The following ADK variants were observed in gnomAD, a reference collection of about 807,000 sequenced individuals.
ADK encodes N6,N6-dimethyladenosine kinase.
In ADK, 24 loss-of-function variants were observed where a neutral mutation model predicts 44.7. The observed-to-expected ratio is 0.54, with a 90% CI of 0.39 to 0.76. ADK has a LOEUF of 0.76. Among genes scored for constraint, ADK ranks in the 30% least tolerant of loss-of-function variants. The probability of loss-of-function intolerance (pLI) is 0.00; values close to 1 mark genes in which losing one functional copy is unlikely to be tolerated. For missense variants in ADK, 321 were observed against 425.1 expected (o/e 0.76, Z 2.15); for synonymous variants, 128 against 142.6 (o/e 0.90, Z 0.73).
chr10:74,573,806 G>A (rs533396558), intron 7 of ADK, among the ~76,000 whole-genome samples: 18 of 152,328 alleles, frequency 1.2e-4, no homozygotes, highest in Non-Finnish European at 1.5e-4. Flanking sequence ...AGGACCCTCC[G>A]AGCCAGGTGC....
At chr10:74,581,409 G>A (rs906222496) in intron 7 of ADK, among the ~76,000 whole-genome samples, 2 of 152,044 alleles carry the variant, frequency 1.3e-5, no homozygotes, top group African/African-American at 4.8e-5. Flanking sequence ...AAAAAAGACT[G>A]GAAAAACAAG....
At chr10:74,558,469 T>G (rs1251764982) in intron 7 of ADK, among the ~76,000 whole-genome samples, 1 of 152,124 alleles carries the variant, frequency 6.6e-6, no homozygotes, top group East Asian at 1.9e-4. Flanking sequence ...ATGACAGGAG[T>G]AAATTCTCTC....
intron 10 of ADK, among the ~76,000 whole-genome samples, chr10:74,707,832 T>C (rs1169227345): frequency 6.6e-6 from 1 of 151,266 alleles, no homozygotes; most frequent in Admixed American, 6.6e-5. Flanking sequence ...CTTGAGCTCT[T>C]TAGAATAAAT....
intron 6 of ADK, among the ~76,000 whole-genome samples, chr10:74,472,546 G>A (rs1846638258): frequency 6.6e-6 from 1 of 152,062 alleles, no homozygotes; most frequent in South Asian, 2.1e-4. Context: ...TGTTCTACAA[G>A]GTTCAGTGCT....
chr10:74,432,264 A>G (rs971868527), intron 6 of ADK, among the ~76,000 whole-genome samples: 3 of 152,146 alleles, frequency 2.0e-5, no homozygotes, highest in Admixed American at 6.5e-5. Context: ...CCTAACCCCC[A>G]ACATAATCCT....
chr10:74,533,707 G>A (rs150099362), intron 7 of ADK, among the ~76,000 whole-genome samples: 2,453 of 152,290 alleles, frequency 0.016, 34 homozygotes, highest in Non-Finnish European at 0.028. Flanking sequence ...CTACTTTGGA[G>A]AATGGTGTTC....
intron 4 of ADK, among the ~76,000 whole-genome samples, chr10:74,366,695 T>C (rs1252065881): frequency 2.0e-5 from 3 of 152,164 alleles, no homozygotes; most frequent in African/African-American, 7.2e-5. Flanking sequence ...TTTGGGAGGC[T>C]GAGGCAGGTG....
intron 4 of ADK, among the ~76,000 whole-genome samples, chr10:74,358,004 C>G (rs1011149884): frequency 6.6e-6 from 1 of 152,058 alleles, no homozygotes. Context: ...TTTAATAATG[C>G]CCACAGGAAA....
chr10:74,162,814 A>G (rs1841943400), intron 1 of ADK, among the ~76,000 whole-genome samples: 1 of 151,982 alleles, frequency 6.6e-6, no homozygotes, highest in Non-Finnish European at 1.5e-5. Flanking sequence ...AAGTTCTGGG[A>G]TTACAGGTGT....
chr10:74,266,167 G>T (rs1176942375), intron 3 of ADK, among the ~76,000 whole-genome samples: 1 of 152,206 alleles, frequency 6.6e-6, no homozygotes, highest in Non-Finnish European at 1.5e-5. Context: ...GTAGAAGACA[G>T]TGAGTCAGAT....
At chr10:74,421,888 A>C (rs1022873685) in intron 6 of ADK, among the ~76,000 whole-genome samples, 1 of 152,220 alleles carries the variant, frequency 6.6e-6, no homozygotes, top group Non-Finnish European at 1.5e-5. Flanking sequence ...GAGTAAATAT[A>C]CATGAGTTCA....
At position 74,394,201 on chromosome 10, in the gene ADK, T is replaced by C. The variant is rs772179699; in HGVS notation, c.334T>C (p.Phe112Leu). 6 of 1,613,854 alleles carry C rather than the reference T, an allele frequency of 3.7e-6. No homozygotes were observed. In the Admixed American group the frequency reaches 1.0e-4, roughly 27 times the overall value. The change falls in exon 5 of 11, where the codon TTT becomes CTT. Residue 112 changes from phenylalanine (F) to leucine (L), a missense_variant. By Grantham distance (22) the Phe-to-Leu change is conservative. Coordinates refer to ENST00000539909, the MANE Select transcript of ADK (RefSeq NM_006721.4). Reference sequence around the variant, plus strand: ...TTTTGGATGCATTGGGATAGATAAATTTGGGGAGATCCTGAAGAGAAAAGC... The same window carrying C: ...TTTTGGATGCATTGGGATAGATAAACTTGGGGAGATCCTGAAGAGAAAAGC... ...TFFGCIGIDKFGEILKRKAAE... is the reference protein window; with the variant it reads ...TFFGCIGIDKLGEILKRKAAE...
chr10:74,374,265 G>T (rs1842756288), intron 4 of ADK, among the ~76,000 whole-genome samples: 1 of 152,070 alleles, frequency 6.6e-6, no homozygotes, highest in African/African-American at 2.4e-5. Context: ...ACACTTCAAA[G>T]GGATGAATTG....
chr10:74,696,109 C>T, intron 10 of ADK, among the ~76,000 whole-genome samples: 1 of 152,114 alleles, frequency 6.6e-6, no homozygotes, highest in Non-Finnish European at 1.5e-5. Context: ...CAACCTCCAC[C>T]TCCCGGATTC....
chr10:74,400,186 G>A (rs913024837), intron 6 of ADK, among the ~76,000 whole-genome samples: 5 of 152,070 alleles, frequency 3.3e-5, no homozygotes, highest in Non-Finnish European at 5.9e-5. Flanking sequence ...TTTGAGATTT[G>A]GGTGGTGTAT....
chr10:74,645,988 C>T (rs894108407), intron 9 of ADK, among the ~76,000 whole-genome samples: 1 of 152,164 alleles, frequency 6.6e-6, no homozygotes, highest in Non-Finnish European at 1.5e-5. Flanking sequence ...CAACTTCGAT[C>T]TTATTAACAG....
chr10:74,581,961 A>G (rs2133897440), intron 7 of ADK, among the ~76,000 whole-genome samples: 4 of 152,356 alleles, frequency 2.6e-5, no homozygotes, highest in African/African-American at 7.2e-5. Flanking sequence ...GGCCTTGGAC[A>G]TACTTGAATC....
chr10:74,588,688 G>C (rs947661534), intron 7 of ADK, among the ~76,000 whole-genome samples: 1 of 152,146 alleles, frequency 6.6e-6, no homozygotes, highest in Admixed American at 6.5e-5. Flanking sequence ...TCGATCACTG[G>C]GTTAAAGTGA....
chr10:74,263,159 A>G (rs1376974601), intron 3 of ADK, among the ~76,000 whole-genome samples: 1 of 152,188 alleles, frequency 6.6e-6, no homozygotes, highest in Non-Finnish European at 1.5e-5. Flanking sequence ...ATTTCCACAT[A>G]TACTGCACAG....
Sources: allele counts gnomAD v4.1 joint callset (sites outside exome capture counted in the v4.1 genomes callset), GRCh38; gene constraint gnomAD v4.1.1; transcripts MANE v1.5; gene names NCBI Gene and HGNC (gene_info 2026-07-23, HGNC 2026-07-21).